The following GAS2 variants were observed in gnomAD, a reference collection of about 807,000 sequenced individuals.
GAS2 encodes the protein growth arrest specific 2.
GAS2 carries 20 observed loss-of-function variants against 37.5 expected under a neutral mutation model. The observed-to-expected ratio is 0.53, with a 90% confidence interval of 0.37 to 0.77. The LOEUF is 0.77. GAS2 is among the 30% of genes least tolerant of loss of function. The pLI is 0.00. For missense variants in GAS2, 336 were observed against 373.4 expected, an observed-to-expected ratio of 0.90 and a Z score of 0.82; for synonymous variants, 144 against 132.2, an observed-to-expected ratio of 1.09 and a Z score of -0.61.
chr11:22,714,993 A>G lies in GAS2; in HGVS notation c.268-11299A>G, dbSNP rs149815124. The stretch of plus-strand genomic sequence containing the variant: ...ATAAACCAAACTCAAACCCAGGAGA[A>G]CAAAAGAAATGACAAAGATCAGAGC... On this transcript the variant is annotated intron_variant, in intron 3 of 7. Coordinates refer to ENST00000454584, the MANE Select transcript of GAS2 (RefSeq NM_001143830.3). Among the ~76,000 whole-genome samples, 160 of 152,336 alleles carry G rather than the reference A, an allele frequency of 1.1e-3. 1 individual carries two copies. Among genetic ancestry groups the G allele is most frequent in the African/African-American group, 3.6e-3 (150 of 41,596 alleles).
At chr11:22,630,763 A>G (rs1400604037) in intron 1 of GAS2, among the ~76,000 whole-genome samples, 1 of 152,182 alleles carries the variant, frequency 6.6e-6, no homozygotes, top group Non-Finnish European at 1.5e-5. Flanking sequence ...ATAACCTTGT[A>G]GAATTTGATG....
intron 1 of GAS2, among the ~76,000 whole-genome samples, chr11:22,633,293 A>G (rs955958805): frequency 2.0e-5 from 3 of 152,016 alleles, no homozygotes; most frequent in African/African-American, 7.3e-5. Context: ...ATTTTAGCCT[A>G]TTTCAGCTCT....
intron 3 of GAS2, among the ~76,000 whole-genome samples, chr11:22,691,285 C>A (rs895096765): frequency 1.3e-5 from 2 of 152,146 alleles, no homozygotes; most frequent in African/African-American, 4.8e-5. Context: ...TACTTGGTTC[C>A]TTGAGCTGCA....
intron 1 of GAS2, among the ~76,000 whole-genome samples, chr11:22,641,070 T>C (rs1440008218): frequency 6.6e-6 from 1 of 151,428 alleles, no homozygotes; most frequent in Non-Finnish European, 1.5e-5. Context: ...CCTTGTTCCC[T>C]TGCACTCTGG....
intron 7 of GAS2, among the ~76,000 whole-genome samples, chr11:22,776,561 G>A (rs983642206): frequency 2.6e-5 from 4 of 152,094 alleles, no homozygotes; most frequent in Admixed American, 2.0e-4. Context: ...TGATTAAAGA[G>A]CAAGTTGTCA....
At chr11:22,802,384 C>G (rs1856704438) in intron 7 of GAS2, among the ~76,000 whole-genome samples, 1 of 151,594 alleles carries the variant, frequency 6.6e-6, no homozygotes, top group South Asian at 2.1e-4. Flanking sequence ...GTGCAGCACA[C>G]CAACATGGCA....
intron 3 of GAS2, among the ~76,000 whole-genome samples, chr11:22,722,940 C>T (rs1852016481): frequency 6.6e-6 from 1 of 151,716 alleles, no homozygotes; most frequent in African/African-American, 2.4e-5. Context: ...TATTAGTTTC[C>T]ATTAACATAT....
intron 1 of GAS2, among the ~76,000 whole-genome samples, chr11:22,630,509 C>G (rs974439299): frequency 6.6e-6 from 1 of 152,158 alleles, no homozygotes; most frequent in Non-Finnish European, 1.5e-5. Context: ...CCAGAGTGAA[C>G]AGGCAACCTG....
intron 1 of GAS2, among the ~76,000 whole-genome samples, chr11:22,634,948 A>C (rs1858801731): frequency 1.3e-5 from 2 of 152,194 alleles, no homozygotes; most frequent in Non-Finnish European, 2.9e-5. Context: ...TGATGCCCAC[A>C]ATGGTGCTAA....
At chr11:22,716,122 AT>A (rs1851667797) in intron 3 of GAS2, among the ~76,000 whole-genome samples, 1 of 152,204 alleles carries the variant, frequency 6.6e-6, no homozygotes, top group African/African-American at 2.4e-5. Context: ...CAGAAAAAGC[AT>A]TTGGCAATAA....
rs559204699 is a variant in GAS2 at position 22,717,469 on chromosome 11, T to C, written c.268-8823T>C. ...ATGTAGAAGAATGAAACTGGATCTC[T>C]GTCTCTCACCTTACATAAAAATCAA... On this transcript the variant is annotated intron_variant, in intron 3 of 7. Coordinates refer to ENST00000454584, the MANE Select transcript of GAS2 (RefSeq NM_001143830.3). Among the ~76,000 whole-genome samples the C allele has an allele frequency of 3.9e-5, 6 of 152,214 alleles. No individual in the cohort carries two copies. In the East Asian group the frequency reaches 1.2e-3, roughly 29 times the overall value.
chr11:22,721,670 A>G (rs1278562408), intron 3 of GAS2, among the ~76,000 whole-genome samples: 5 of 152,112 alleles, frequency 3.3e-5, no homozygotes, highest in African/African-American at 1.2e-4. Flanking sequence ...CAACTATTCA[A>G]TAGCCACATG....
In GAS2 at chr11:22,811,857, G is replaced by A. The variant is rs757674543; in HGVS notation, c.783G>A (p.Gly261=). 1.9e-6 allele frequency: 3 copies of A among 1,614,098 alleles called. No individual in the cohort carries two copies. The highest frequency in any genetic ancestry group is 2.5e-6 in the Non-Finnish European group (3 of 1,180,008). Residue 261 remains glycine (G), a synonymous_variant, in exon 8 of 8, where the codon GGG becomes GGA. Coordinates refer to ENST00000454584, the MANE Select transcript of GAS2 (RefSeq NM_001143830.3). ...RVGGGWETFA[G]YLLKHDPCRM... ...GAGGAGGCTGGGAAACTTTTGCAGG[G>A]TATTTGTTGAAACACGACCCCTGCC...
intron 4 of GAS2, among the ~76,000 whole-genome samples, chr11:22,732,573 T>A (rs2134197965): frequency 6.6e-6 from 1 of 151,842 alleles, no homozygotes; most frequent in South Asian, 2.1e-4. Context: ...TATCCCTATT[T>A]ATCACCTACA....
At chr11:22,762,654 C>A (rs976626382) in intron 7 of GAS2, among the ~76,000 whole-genome samples, 2 of 152,064 alleles carry the variant, frequency 1.3e-5, no homozygotes, top group Admixed American at 6.5e-5. Context: ...AAAGGGCATT[C>A]AATTGCATAA....
At chr11:22,668,793 G>GT (rs1333257763) in intron 1 of GAS2, among the ~76,000 whole-genome samples, 2 of 152,200 alleles carry the variant, frequency 1.3e-5, no homozygotes, top group Non-Finnish European at 2.9e-5. Flanking sequence ...TGATGAGGCT[G>GT]TAACTGTTTA....
At chr11:22,790,512 T>G (rs1856093662) in intron 7 of GAS2, among the ~76,000 whole-genome samples, 1 of 152,080 alleles carries the variant, frequency 6.6e-6, no homozygotes, top group African/African-American at 2.4e-5. Flanking sequence ...TATCATTTCC[T>G]CCAATGAGGA....
chr11:22,709,994 G>T (rs1254916054), intron 3 of GAS2, among the ~76,000 whole-genome samples: 1 of 140,214 alleles, frequency 7.1e-6, no homozygotes, highest in Non-Finnish European at 1.5e-5. Context: ...GGGGAACATC[G>T]CACTCTGGGG....
intron 2 of GAS2, among the ~76,000 whole-genome samples, chr11:22,682,755 G>A (rs1849743050): frequency 1.3e-5 from 2 of 151,066 alleles, no homozygotes; most frequent in Admixed American, 6.6e-5. Flanking sequence ...GTGCATGCCT[G>A]TAGTCCCAGC....
Sources: gnomAD v4.1 joint callset for allele counts (sites outside exome capture counted in the v4.1 genomes callset) on GRCh38, gnomAD v4.1.1 for gene constraint, MANE v1.5 for transcripts, NCBI Gene and HGNC (gene_info 2026-07-23, HGNC 2026-07-21) for gene names.